The following LRMDA variants were observed in gnomAD, a reference collection of about 807,000 sequenced individuals.
LRMDA encodes the protein leucine rich melanocyte differentiation associated, also known as leucine-rich melanocyte differentiation-associated protein.
A neutral mutation model predicts 29.8 loss-of-function variants in LRMDA; 18 were observed. The ratio of observed to expected loss-of-function variants is 0.60; its 90% CI spans 0.42 to 0.90. The LOEUF (loss-of-function observed/expected upper bound fraction) is 0.90. Among genes scored for constraint, LRMDA ranks in the 40% least tolerant of loss-of-function variants. LRMDA has a pLI of 0.00. For synonymous variants in LRMDA, 125 were observed against 109.4 expected (o/e 1.14, Z -0.89); for missense variants, 273 against 273.9 (o/e 1.00, Z 0.02).
intron 6 of LRMDA, among the ~76,000 whole-genome samples, chr10:76,369,827 G>A (rs754571920): frequency 1.3e-5 from 2 of 152,072 alleles, no homozygotes; most frequent in Non-Finnish European, 2.9e-5. Flanking sequence ...GGCACTTCTG[G>A]TTGAGAACTG....
At chr10:76,156,523 G>T (rs2132171943) in intron 5 of LRMDA, among the ~76,000 whole-genome samples, 1 of 152,010 alleles carries the variant, frequency 6.6e-6, no homozygotes, top group South Asian at 2.1e-4. Flanking sequence ...TACTCTGCAG[G>T]CTGCCCTTCT....
chr10:76,178,682 A>G (rs920956158), intron 5 of LRMDA, among the ~76,000 whole-genome samples: 1 of 152,198 alleles, frequency 6.6e-6, no homozygotes, highest in Non-Finnish European at 1.5e-5. Flanking sequence ...CAGCTTGCTC[A>G]CTTCAAAGGA....
chr10:75,585,824 T>G (rs911946570), intron 2 of LRMDA, among the ~76,000 whole-genome samples: 82 of 152,220 alleles, frequency 5.4e-4, no homozygotes, highest in African/African-American at 1.9e-3. Flanking sequence ...GATTAATAAC[T>G]TCTCATTTCC....
Position 76,448,934 on chromosome 10 carries a change from A to G in LRMDA, c.602-108275A>G, listed in dbSNP as rs568919430. ...CATTTATTTCCAAAGTAGGTATAGC[A>G]GATGTTTATTTACTTTGTGATCTAA... On this transcript the variant is annotated intron_variant, in intron 6 of 6. Coordinates refer to ENST00000611255, the MANE Select transcript of LRMDA (RefSeq NM_001305581.2). 4.6e-3 allele frequency among the ~76,000 whole-genome samples: 701 copies of G among 152,072 alleles called. 1 individual carries two copies. Among genetic ancestry groups the G allele is most frequent in the Non-Finnish European group, 7.7e-3 (522 of 67,866 alleles).
chr10:76,220,067 A>G (rs1277094421), intron 5 of LRMDA, among the ~76,000 whole-genome samples: 1 of 152,190 alleles, frequency 6.6e-6, no homozygotes, highest in African/African-American at 2.4e-5. Context: ...CTTTGAAACC[A>G]ATGAGAACAA....
intron 2 of LRMDA, among the ~76,000 whole-genome samples, chr10:75,503,456 G>A (rs1845137913): frequency 6.6e-6 from 1 of 151,732 alleles, no homozygotes; most frequent in African/African-American, 2.4e-5. Context: ...CATTTAGGGG[G>A]AACTTGGCCA....
At chr10:75,882,296 C>G (rs529176924) in intron 2 of LRMDA, among the ~76,000 whole-genome samples, 1 of 152,252 alleles carries the variant, frequency 6.6e-6, no homozygotes, top group Admixed American at 6.5e-5. Flanking sequence ...GCAAGCCAAA[C>G]TCAAACTTCT....
intron 6 of LRMDA, among the ~76,000 whole-genome samples, chr10:76,403,783 C>G (rs938212228): frequency 7.9e-5 from 12 of 152,216 alleles, no homozygotes; most frequent in Admixed American, 4.6e-4. Context: ...CAAAAATGCC[C>G]TCATTCTAGT....
intron 2 of LRMDA, among the ~76,000 whole-genome samples, chr10:75,530,561 A>T (rs908540580): frequency 6.6e-6 from 1 of 152,074 alleles, no homozygotes; most frequent in Non-Finnish European, 1.5e-5. Flanking sequence ...CCCATTCCTC[A>T]CCCTGGGTTG....
intron 2 of LRMDA, among the ~76,000 whole-genome samples, chr10:75,939,698 T>C (rs568739427): frequency 6.6e-6 from 1 of 152,202 alleles, no homozygotes; most frequent in African/African-American, 2.4e-5. Context: ...TGGCTGTGAG[T>C]GTGCAGTCAG....
chr10:76,071,086 C>T (rs992260461), intron 5 of LRMDA, among the ~76,000 whole-genome samples: 1 of 152,142 alleles, frequency 6.6e-6, no homozygotes, highest in Non-Finnish European at 1.5e-5. Context: ...AGTGACCTCG[C>T]ACTCAACTCT....
intron 5 of LRMDA, among the ~76,000 whole-genome samples, chr10:76,117,801 G>A (rs1240632877): frequency 1.3e-5 from 2 of 152,200 alleles, no homozygotes; most frequent in African/African-American, 2.4e-5. Context: ...GTAGTATTCA[G>A]GATATTGTCA....
rs145876650 is a variant in LRMDA at position 75,790,459 on chromosome 10, G to A, written c.132-245549G>A. ...AATTATTTTTGTGGAAAGAGAGGTG[G>A]GATTCCAAGAAGCTAAGAACATGAC... is the stretch of plus-strand genomic sequence containing the variant. On this transcript the variant is annotated intron_variant, in intron 2 of 6. Transcript: ENST00000611255. Among the ~76,000 whole-genome samples the A allele has an allele frequency of 5.9e-5, 9 of 152,282 alleles. No homozygotes were observed. The East Asian group carries it at 1.2e-3, about 20-fold the overall frequency.
At chr10:75,635,525 A>G (rs1841380277) in intron 2 of LRMDA, among the ~76,000 whole-genome samples, 1 of 152,180 alleles carries the variant, frequency 6.6e-6, no homozygotes, top group Non-Finnish European at 1.5e-5. Context: ...CCTTAAAAAC[A>G]TGTACCAGGA....
chr10:76,018,817 T>A (rs996478440), intron 2 of LRMDA, among the ~76,000 whole-genome samples: 2 of 152,130 alleles, frequency 1.3e-5, no homozygotes, highest in African/African-American at 4.8e-5. Flanking sequence ...CCACCTGTCT[T>A]GGCCTCGCAA....
At chr10:75,950,185 C>T (rs1343823434) in intron 2 of LRMDA, among the ~76,000 whole-genome samples, 2 of 152,170 alleles carry the variant, frequency 1.3e-5, no homozygotes, top group Non-Finnish European at 2.9e-5. Context: ...GTCCAGTGAC[C>T]AGGTACTCAT....
At chr10:76,481,415 C>G (rs959124763) in intron 6 of LRMDA, among the ~76,000 whole-genome samples, 1 of 151,826 alleles carries the variant, frequency 6.6e-6, no homozygotes. Flanking sequence ...TTAAGGCCTT[C>G]TTTAGGGAGA....
At position 76,166,681 on chromosome 10, in the gene LRMDA, G is replaced by C. The variant is rs183774557; in HGVS notation, c.516+107898G>C. 3.4e-3 allele frequency among the ~76,000 whole-genome samples: 522 copies of C among 152,236 alleles called. 4 individuals are homozygous for C. The highest frequency in any genetic ancestry group is 0.012 in the African/African-American group (505 of 41,552). ...TTTTTATGGCTGCGTAGTATTCCAT[G>C]GTATATATGTACCACATTTTCTTTA... is the stretch of plus-strand genomic sequence containing the variant. On this transcript the variant is annotated intron_variant, in intron 5 of 6. Transcript: ENST00000611255.
chr10:76,314,618 ATAAC>A (rs1449521516), intron 5 of LRMDA, among the ~76,000 whole-genome samples: 10 of 152,238 alleles, frequency 6.6e-5, no homozygotes, highest in South Asian at 4.1e-4. Flanking sequence ...AAGAGCATAA[ATAAC>A]AGTAAAATTT....
Sources: allele counts gnomAD v4.1 joint callset (sites outside exome capture counted in the v4.1 genomes callset), GRCh38; gene constraint gnomAD v4.1.1; transcripts MANE v1.5; gene names NCBI Gene and HGNC (gene_info 2026-07-23, HGNC 2026-07-21).